The following SDCCAG8 variants were observed in gnomAD, a reference collection of about 807,000 sequenced individuals.
SDCCAG8 encodes the protein SHH signaling and ciliogenesis regulator SDCCAG8.
In SDCCAG8, 74 loss-of-function variants were observed where a neutral mutation model predicts 101.8. The observed-to-expected ratio is 0.73, with a 90% CI of 0.60 to 0.88. SDCCAG8 has a LOEUF of 0.88. Ranked by LOEUF, SDCCAG8 falls within the 40% of genes least tolerant of loss-of-function variation. SDCCAG8 has a pLI of 0.00. For synonymous variants in SDCCAG8, 281 were observed against 292.9 expected, an observed-to-expected ratio of 0.96 and a Z score of 0.41; for missense variants, 787 against 822.6, an observed-to-expected ratio of 0.96 and a Z score of 0.53.
At chr1:243,415,390 G>A (rs960019409) in intron 13 of SDCCAG8, among the ~76,000 whole-genome samples, 1 of 152,166 alleles carries the variant, frequency 6.6e-6, no homozygotes, top group Admixed American at 6.5e-5. Context: ...AACATTCATT[G>A]ATAGTGTAAA....
intron 5 of SDCCAG8, 53 bp downstream of exon 5, chr1:243,286,450 G>T (rs1468649394): frequency 3.1e-6 from 5 of 1,589,198 alleles, no homozygotes; most frequent in Non-Finnish European, 3.4e-6. Context: ...ATTCCCTTCT[G>T]CCCTCTCTCC....
At chr1:243,498,876 T>C (rs761306351) in intron 17 of SDCCAG8, among the ~76,000 whole-genome samples, 1 of 152,224 alleles carries the variant, frequency 6.6e-6, no homozygotes, top group Non-Finnish European at 1.5e-5. Context: ...GGCCCTGCAG[T>C]GCGTCCCAAT....
intron 13 of SDCCAG8, among the ~76,000 whole-genome samples, chr1:243,386,827 T>C (rs1335531905): frequency 6.6e-6 from 1 of 152,130 alleles, no homozygotes; most frequent in Non-Finnish European, 1.5e-5. Flanking sequence ...TGCTCCCTTA[T>C]GCATGACACG....
chr1:243,476,449 C>A, intron 16 of SDCCAG8: 1 of 773,646 alleles, frequency 1.3e-6, no homozygotes, highest in Non-Finnish European at 1.6e-6. Flanking sequence ...GTTTGACTAT[C>A]CCAAGAATGG....
chr1:243,336,464 C>A (rs543723833), intron 10 of SDCCAG8, among the ~76,000 whole-genome samples: 139 of 152,140 alleles, frequency 9.1e-4, no homozygotes, highest in Middle Eastern at 3.2e-3. Flanking sequence ...CATGGTTCTG[C>A]AGGCTGAACG....
chr1:243,361,652 A>G (rs1009344514), intron 12 of SDCCAG8, among the ~76,000 whole-genome samples: 8 of 152,128 alleles, frequency 5.3e-5, no homozygotes, highest in Non-Finnish European at 1.0e-4. Context: ...CTTCTCAGAC[A>G]TGCCATGGCC....
intron 13 of SDCCAG8, among the ~76,000 whole-genome samples, chr1:243,391,642 GGT>G (rs573793881): frequency 0.01 from 1,560 of 152,286 alleles, 20 homozygotes; most frequent in Non-Finnish European, 0.014. Context: ...CCTTCCCCAG[GGT>G]GGGCACCAGT....
chr1:243,459,509 G>C (rs779508329), intron 16 of SDCCAG8, among the ~76,000 whole-genome samples: 2 of 152,092 alleles, frequency 1.3e-5, no homozygotes, highest in Admixed American at 1.3e-4. Flanking sequence ...AAAGGCTTGG[G>C]GGGTGGGGGG....
At chr1:243,422,563 G>T (rs1037600962) in intron 15 of SDCCAG8, among the ~76,000 whole-genome samples, 2 of 152,162 alleles carry the variant, frequency 1.3e-5, no homozygotes, top group Admixed American at 6.5e-5. Flanking sequence ...GCAACAGTAG[G>T]TATCCAACTG....
At position 243,259,372 on chromosome 1, in the gene SDCCAG8, A is replaced by C. The variant is rs564990615; in HGVS notation, c.67+3132A>C. Among the ~76,000 whole-genome samples the C allele has an allele frequency of 3.9e-5, 6 of 152,016 alleles. No homozygotes were observed. The South Asian group carries it at 1.0e-3, about 26-fold the overall frequency. ...CAGTGAGCCGAGATCGCGCCACTGC[A>C]CTCCAGCCTGGGCGACAGAGCGAGA... On this transcript the variant is annotated intron_variant, in intron 1 of 17. Coordinates refer to ENST00000366541, the MANE Select transcript of SDCCAG8 (RefSeq NM_006642.5).
intron 16 of SDCCAG8, among the ~76,000 whole-genome samples, chr1:243,472,389 G>T (rs933824112): frequency 6.6e-6 from 1 of 152,154 alleles, no homozygotes; most frequent in Non-Finnish European, 1.5e-5. Context: ...TTGTTTGTTT[G>T]TCTGTTTCTA....
At chr1:243,270,496 C>T (rs919510239) in intron 2 of SDCCAG8, among the ~76,000 whole-genome samples, 2 of 152,206 alleles carry the variant, frequency 1.3e-5, no homozygotes, top group Non-Finnish European at 2.9e-5. Flanking sequence ...CTCTAACCTG[C>T]CTCTTCGGCT....
intron 16 of SDCCAG8, among the ~76,000 whole-genome samples, chr1:243,429,995 C>T (rs950558055): frequency 1.3e-5 from 2 of 151,970 alleles, no homozygotes; most frequent in South Asian, 4.1e-4. Context: ...CCATGCCTGG[C>T]CTAATTTTTA....
Position 243,492,841 on chromosome 1 carries a change from A to G in SDCCAG8, c.2112+3701A>G, listed in dbSNP as rs974424108. On this transcript the variant is annotated intron_variant, in intron 17 of 17. Transcript: ENST00000366541. ...AGGCTGGTCTCGAACTCCTGACCTCAGGTGATCTGCCCACCTTGGCCTCCC... is the reference window on the plus strand; with the variant it reads ...AGGCTGGTCTCGAACTCCTGACCTCGGGTGATCTGCCCACCTTGGCCTCCC... Among the ~76,000 whole-genome samples, 105 of 152,150 alleles carry G rather than the reference A, an allele frequency of 6.9e-4. 1 individual carries two copies. Among genetic ancestry groups the G allele is most frequent in the African/African-American group, 2.4e-3 (101 of 41,530 alleles).
chr1:243,437,754 G>A (rs12140016), intron 16 of SDCCAG8, among the ~76,000 whole-genome samples: 27,109 of 152,048 alleles, frequency 0.18, 2,602 homozygotes, highest in African/African-American at 0.23. Context: ...TAGCCAGGAT[G>A]GTCTCGATCT....
At chr1:243,432,295 C>T (rs1046288956) in intron 16 of SDCCAG8, among the ~76,000 whole-genome samples, 5 of 150,602 alleles carry the variant, frequency 3.3e-5, no homozygotes, top group African/African-American at 4.9e-5. Flanking sequence ...AACCAGATAC[C>T]GTATGTTCTC....
intron 12 of SDCCAG8, among the ~76,000 whole-genome samples, chr1:243,371,064 A>G (rs2077262910): frequency 6.6e-6 from 1 of 152,088 alleles, no homozygotes; most frequent in Non-Finnish European, 1.5e-5. Flanking sequence ...TCCTGCAGAA[A>G]TGCTTCTTCA....
intron 12 of SDCCAG8, among the ~76,000 whole-genome samples, chr1:243,374,865 T>G (rs2077503582): frequency 6.6e-6 from 1 of 152,054 alleles, no homozygotes; most frequent in African/African-American, 2.4e-5. Flanking sequence ...AACATACACT[T>G]TATCTAATAT....
intron 15 of SDCCAG8, among the ~76,000 whole-genome samples, chr1:243,425,100 T>A (rs1296062553): frequency 1.3e-5 from 2 of 152,140 alleles, no homozygotes; most frequent in Non-Finnish European, 2.9e-5. Context: ...TATGGGTAGA[T>A]TCTTATTAGG....
Sources: gnomAD v4.1 joint callset for allele counts (sites outside exome capture counted in the v4.1 genomes callset) on GRCh38, gnomAD v4.1.1 for gene constraint, MANE v1.5 for transcripts, NCBI Gene and HGNC (gene_info 2026-07-23, HGNC 2026-07-21) for gene names.